The following CDH13 variants were observed in gnomAD, a reference collection of about 807,000 sequenced individuals.
CDH13 encodes the protein cadherin-13.
A neutral mutation model predicts 63.8 loss-of-function variants in CDH13; 24 were observed. The observed-to-expected ratio is 0.38, with a 90% CI of 0.27 to 0.53. The LOEUF (loss-of-function observed/expected upper bound fraction) is 0.53. Ranked by LOEUF, CDH13 falls within the 20% of genes least tolerant of loss-of-function variation. The pLI is 0.85. For synonymous variants in CDH13, 503 were observed against 355.3 expected, an observed-to-expected ratio of 1.42 and a Z score of -4.67; for missense variants, 1,049 against 903.1, an observed-to-expected ratio of 1.16 and a Z score of -2.07.
intron 5 of CDH13, among the ~76,000 whole-genome samples, chr16:83,267,751 AG>A (rs762920178): frequency 2.6e-5 from 4 of 152,230 alleles, no homozygotes; most frequent in Non-Finnish European, 5.9e-5. Flanking sequence ...CCCACCCTCC[AG>A]GACCATGAGC....
At chr16:82,986,400 C>T (rs1357489294) in intron 2 of CDH13, among the ~76,000 whole-genome samples, 2 of 152,216 alleles carry the variant, frequency 1.3e-5, no homozygotes, top group Non-Finnish European at 2.9e-5. Context: ...ATATAAAAGT[C>T]ATTGTCACAA....
intron 8 of CDH13, among the ~76,000 whole-genome samples, chr16:83,664,818 A>G (rs966675448): frequency 1.3e-5 from 2 of 152,194 alleles, no homozygotes; most frequent in Non-Finnish European, 2.9e-5. Context: ...GATGTATGAC[A>G]GTGAAGGAAA....
intron 1 of CDH13, among the ~76,000 whole-genome samples, chr16:82,817,343 T>A (rs145058372): frequency 8.5e-4 from 129 of 152,174 alleles, no homozygotes; most frequent in African/African-American, 2.9e-3. Flanking sequence ...CTCACTGTCT[T>A]TAGGAATGGT....
chr16:83,220,538 G>A (rs901747027), intron 5 of CDH13, among the ~76,000 whole-genome samples: 2 of 151,620 alleles, frequency 1.3e-5, no homozygotes, highest in African/African-American at 2.4e-5. Flanking sequence ...CACCAACATG[G>A]CTCATGTATA....
In CDH13 at chr16:83,309,096, C is replaced by G. The variant is rs146681941; in HGVS notation, c.637-35766C>G. On this transcript the variant is annotated intron_variant, in intron 5 of 13. Coordinates refer to ENST00000567109, the MANE Select transcript of CDH13 (RefSeq NM_001257.5). ...TGGTGCTTGTCCCTCCATATCGTAA[C>G]TCTGTTTTATATTCTTTTGACTTTC... Among the ~76,000 whole-genome samples, 216 of 152,234 alleles carry G rather than the reference C, an allele frequency of 1.4e-3. 3 individuals carry two copies. Among genetic ancestry groups the G allele is most frequent in the African/African-American group, 5.0e-3 (206 of 41,538 alleles).
At chr16:83,111,734 A>G (rs2035066664) in intron 3 of CDH13, among the ~76,000 whole-genome samples, 1 of 152,234 alleles carries the variant, frequency 6.6e-6, no homozygotes, top group African/African-American at 2.4e-5. Flanking sequence ...CCTGGATCAT[A>G]TCAATAGATC....
intron 5 of CDH13, among the ~76,000 whole-genome samples, chr16:83,252,964 T>G (rs1905764449): frequency 6.6e-6 from 1 of 152,172 alleles, no homozygotes; most frequent in South Asian, 2.1e-4. Flanking sequence ...TGTCCTCTCT[T>G]CTAAAGTGTG....
At chr16:83,363,298 T>C (rs1158125904) in intron 6 of CDH13, among the ~76,000 whole-genome samples, 3 of 152,210 alleles carry the variant, frequency 2.0e-5, no homozygotes, top group Non-Finnish European at 2.9e-5. Context: ...GGACTTTCCT[T>C]TGTGGCTCCA....
chr16:82,654,623 C>T (rs1227303024), intron 1 of CDH13, among the ~76,000 whole-genome samples: 2 of 152,124 alleles, frequency 1.3e-5, no homozygotes, highest in East Asian at 3.8e-4. Flanking sequence ...AATTTAATAC[C>T]ATTTAAAATG....
chr16:83,039,949 C>CT (rs1917194107), intron 3 of CDH13, among the ~76,000 whole-genome samples: 1 of 151,956 alleles, frequency 6.6e-6, no homozygotes, highest in Admixed American at 6.6e-5. Context: ...CCCCAGCTGG[C>CT]TAGGTGTTCT....
chr16:83,520,775 G>T (rs1450914769), intron 7 of CDH13, among the ~76,000 whole-genome samples: 4 of 152,056 alleles, frequency 2.6e-5, no homozygotes, highest in Admixed American at 6.6e-5. Context: ...TTTTCAGCTG[G>T]CCGGGAAGAG....
At chr16:83,252,277 T>C (rs1273729777) in intron 5 of CDH13, among the ~76,000 whole-genome samples, 1 of 150,714 alleles carries the variant, frequency 6.6e-6, no homozygotes, top group Non-Finnish European at 1.5e-5. Context: ...TTTTCTTTTT[T>C]TTTTTCATTT....
intron 5 of CDH13, among the ~76,000 whole-genome samples, chr16:83,298,069 AG>A (rs2089645679): frequency 6.7e-6 from 1 of 149,780 alleles, no homozygotes; most frequent in African/African-American, 2.5e-5. Context: ...AAAAAGAAAA[AG>A]AAAAAGAAAA....
intron 8 of CDH13, among the ~76,000 whole-genome samples, chr16:83,633,018 A>G (rs1879592387): frequency 6.6e-6 from 1 of 152,142 alleles, no homozygotes; most frequent in African/African-American, 2.4e-5. Flanking sequence ...ATGCTAATGT[A>G]TTATAATTAG....
intron 3 of CDH13, among the ~76,000 whole-genome samples, chr16:83,115,016 C>T (rs2035228666): frequency 6.6e-6 from 1 of 152,184 alleles, no homozygotes. Flanking sequence ...CTCCTTTTAG[C>T]CAGGGGCTGG....
At chr16:83,195,491 G>C (rs956759947) in intron 4 of CDH13, among the ~76,000 whole-genome samples, 2 of 152,200 alleles carry the variant, frequency 1.3e-5, no homozygotes. Flanking sequence ...GGCAGGAGCA[G>C]GACCAAGAGA....
intron 1 of CDH13, chr16:82,824,276 A>G (rs9940404): frequency 0.015 from 2,255 of 152,004 alleles, 54 homozygotes; most frequent in African/African-American, 0.052. Flanking sequence ...TACAAAGATG[A>G]TAGAAACCAT....
Position 83,120,763 on chromosome 16 carries a change from C to CTTTTTTTTTTTTTTTTTTT in CDH13, c.367-4606_367-4605insTTTTTTTTTTTTTTTTTTT, listed in dbSNP as rs750711823. 2.0e-4 allele frequency among the ~76,000 whole-genome samples: 12 copies of CTTTTTTTTTTTTTTTTTTT among 60,216 alleles called. 1 individual carries two copies. Among genetic ancestry groups the CTTTTTTTTTTTTTTTTTTT allele is most frequent in the African/African-American group, 4.4e-4 (9 of 20,668 alleles). The allele number at this position is 60,216 out of a possible 152,430, so 39.5% of individuals were successfully genotyped here. ...AATACAACGCGCTCTAATTTTCTTT[C>CTTTTTTTTTTTTTTTTTTT]TTTTTTTTTTTTTTTTCTGAGATGG... is the stretch of plus-strand genomic sequence containing the variant. On this transcript the variant is annotated intron_variant, in intron 3 of 13. Coordinates refer to ENST00000567109, the MANE Select transcript of CDH13 (RefSeq NM_001257.5).
chr16:83,096,677 G>T (rs1327570528), intron 3 of CDH13, among the ~76,000 whole-genome samples: 1 of 152,142 alleles, frequency 6.6e-6, no homozygotes, highest in African/African-American at 2.4e-5. Flanking sequence ...TAACTCCCTT[G>T]GACTGAGTGC....
Sources: gnomAD v4.1 joint callset for allele counts (sites outside exome capture counted in the v4.1 genomes callset) on GRCh38, gnomAD v4.1.1 for gene constraint, MANE v1.5 for transcripts, NCBI Gene and HGNC (gene_info 2026-07-23, HGNC 2026-07-21) for gene names.